The following PAFAH1B1 variants were observed in gnomAD, a reference collection of about 807,000 sequenced individuals.
The protein encoded by PAFAH1B1 is platelet activating factor acetylhydrolase 1b regulatory subunit 1, also known as platelet-activating factor acetylhydrolase IB subunit beta.
A neutral mutation model predicts 57.5 loss-of-function variants in PAFAH1B1; 2 were observed. The ratio of observed to expected loss-of-function variants is 0.03; its 90% CI spans 0.01 to 0.11. The LOEUF is 0.11. Ranked by LOEUF, PAFAH1B1 falls within the 10% of genes least tolerant of loss-of-function variation. PAFAH1B1 has a pLI of 1.00. For missense variants in PAFAH1B1, 257 were observed against 512.0 expected (o/e 0.50, Z 4.81); for synonymous variants, 152 against 169.6 (o/e 0.90, Z 0.81).
chr17:2,603,975 A>G (rs778570694), intron 1 of PAFAH1B1, among the ~76,000 whole-genome samples: 1 of 152,004 alleles, frequency 6.6e-6, no homozygotes, highest in South Asian at 2.1e-4. Context: ...TGACCCCGTG[A>G]TCCTCCCACC....
rs534946821 is a variant in PAFAH1B1, at chr17:2,597,311, A to G, written c.-191+3305A>G. ...TTTTTTGTTACCTGTTTTTCCAGAT[A>G]AAATATCTCTAGTGTAAAGAGATTT... is the stretch of plus-strand genomic sequence containing the variant. On this transcript the variant is annotated intron_variant, in intron 1 of 10. Coordinates refer to ENST00000397195, the MANE Select transcript of PAFAH1B1 (RefSeq NM_000430.4). Among the ~76,000 whole-genome samples, 333 of 152,164 alleles carry G rather than the reference A, an allele frequency of 2.2e-3. 1 individual carries two copies. The highest frequency in any genetic ancestry group is 7.6e-3 in the African/African-American group (315 of 41,500).
chr17:2,638,344 T>TA (rs752731040), intron 2 of PAFAH1B1, 24 bp downstream of exon 2: 49 of 1,603,662 alleles, frequency 3.1e-5, no homozygotes, highest in East Asian at 1.3e-4. Flanking sequence ...TTTTGTGCTT[T>TA]AAAAAAAATC....
intron 1 of PAFAH1B1, among the ~76,000 whole-genome samples, chr17:2,597,324 T>C (rs1005774712): frequency 1.3e-4 from 20 of 151,846 alleles, no homozygotes; most frequent in African/African-American, 4.8e-4. Context: ...ATATCTCTAG[T>C]GTAAAGAGAT....
chr17:2,666,888 A>G, intron 4 of PAFAH1B1, 104 bp from the exon 5 acceptor site: 1 of 734,212 alleles, frequency 1.4e-6, no homozygotes, highest in Non-Finnish European at 2.3e-6. Flanking sequence ...AAATTTTTTC[A>G]AGTATCCTAC....
chr17:2,622,640 C>A (rs920564500), intron 1 of PAFAH1B1, among the ~76,000 whole-genome samples: 1 of 152,164 alleles, frequency 6.6e-6, no homozygotes, highest in African/African-American at 2.4e-5. Flanking sequence ...TGAGTGTCTG[C>A]AGCTTTTCCA....
chr17:2,677,270 C>G (rs186197873), intron 9 of PAFAH1B1, among the ~76,000 whole-genome samples: 21 of 152,282 alleles, frequency 1.4e-4, no homozygotes, highest in Non-Finnish European at 2.5e-4. Flanking sequence ...TTATATGAAT[C>G]CTTTTAACTG....
At chr17:2,664,665 G>GCGCTCTCTCT in intron 2 of PAFAH1B1, among the ~76,000 whole-genome samples, 73 of 86,080 alleles carry the variant, frequency 8.5e-4, no homozygotes, top group Non-Finnish European at 1.2e-3. Flanking sequence ...TCTATCTATC[G>GCGCTCTCTCT]CTCTCTCTCT....
intron 2 of PAFAH1B1, among the ~76,000 whole-genome samples, chr17:2,653,150 C>G (rs1406397861): frequency 1.3e-5 from 2 of 152,226 alleles, no homozygotes; most frequent in Middle Eastern, 3.4e-3. Context: ...AACCATCATT[C>G]TCAGCAAACT....
At chr17:2,674,813 T>G (rs567663537) in intron 8 of PAFAH1B1, among the ~76,000 whole-genome samples, 1 of 152,352 alleles carries the variant, frequency 6.6e-6, no homozygotes, top group South Asian at 2.1e-4. Context: ...CGCATTTCTT[T>G]GTGATCTTTA....
At chr17:2,627,007 T>C (rs1372990631) in intron 1 of PAFAH1B1, among the ~76,000 whole-genome samples, 1 of 152,202 alleles carries the variant, frequency 6.6e-6, no homozygotes, top group Non-Finnish European at 1.5e-5. Context: ...TTGTCAGATG[T>C]ATAGATTGTG....
chr17:2,612,361 G>A (rs1478744552), intron 1 of PAFAH1B1, among the ~76,000 whole-genome samples: 8 of 151,668 alleles, frequency 5.3e-5, no homozygotes, highest in African/African-American at 1.5e-4. Context: ...GCACCACCAC[G>A]CCTGGCTAAT....
intron 1 of PAFAH1B1, among the ~76,000 whole-genome samples, chr17:2,633,517 C>G (rs542219090): frequency 2.0e-5 from 3 of 151,620 alleles, no homozygotes; most frequent in African/African-American, 4.8e-5. Flanking sequence ...CCTAGACTAT[C>G]AGGATTTAAG....
intron 1 of PAFAH1B1, among the ~76,000 whole-genome samples, chr17:2,602,648 A>G (rs1437043523): frequency 1.3e-5 from 2 of 152,186 alleles, no homozygotes; most frequent in Admixed American, 6.5e-5. Context: ...TCTTTCTGCT[A>G]CATAGTCCCC....
chr17:2,645,325 C>G (rs1334364167), intron 2 of PAFAH1B1, among the ~76,000 whole-genome samples: 1 of 151,864 alleles, frequency 6.6e-6, no homozygotes, highest in Non-Finnish European at 1.5e-5. Flanking sequence ...GGGCCGGGTG[C>G]AGTGGCTCAT....
chr17:2,624,465 A>G (rs1407279233), intron 1 of PAFAH1B1, among the ~76,000 whole-genome samples: 1 of 152,192 alleles, frequency 6.6e-6, no homozygotes, highest in African/African-American at 2.4e-5. Flanking sequence ...GTAGTTCCAC[A>G]TGGCTGGGGA....
chr17:2,596,207 C>T (rs1368193506), intron 1 of PAFAH1B1, among the ~76,000 whole-genome samples: 2 of 151,744 alleles, frequency 1.3e-5, no homozygotes, highest in South Asian at 4.2e-4. Flanking sequence ...TATAAAGATA[C>T]ACACACACAT....
At chr17:2,655,798 TAGA>T (rs1335287766) in intron 2 of PAFAH1B1, among the ~76,000 whole-genome samples, 1 of 149,752 alleles carries the variant, frequency 6.7e-6, no homozygotes, top group Non-Finnish European at 1.5e-5. Flanking sequence ...AAAAAAAAAA[TAGA>T]AGAGGAAAGC....
rs552186691 is a variant in PAFAH1B1 at position 2,596,897 on chromosome 17, A to G, written c.-191+2891A>G. Among the ~76,000 whole-genome samples the G allele has an allele frequency of 7.2e-5, 11 of 152,206 alleles. No homozygotes were observed. In the South Asian group the frequency reaches 1.9e-3, roughly 26 times the overall value. On this transcript the variant is annotated intron_variant, in intron 1 of 10. Coordinates refer to ENST00000397195, the MANE Select transcript of PAFAH1B1 (RefSeq NM_000430.4). The stretch of plus-strand genomic sequence containing the variant: ...AATATGGTGAAACCCCGTCTCTACT[A>G]AAAATACAAAAAAATTAGCCATGTC...
intron 1 of PAFAH1B1, among the ~76,000 whole-genome samples, chr17:2,627,587 C>G (rs1339419032): frequency 6.6e-6 from 1 of 152,028 alleles, no homozygotes; most frequent in African/African-American, 2.4e-5. Context: ...TTTTTTGGTT[C>G]CACATAAATT....
Sources: allele counts gnomAD v4.1 joint callset (sites outside exome capture counted in the v4.1 genomes callset), GRCh38; gene constraint gnomAD v4.1.1; transcripts MANE v1.5; gene names NCBI Gene and HGNC (gene_info 2026-07-23, HGNC 2026-07-21).